Variants in CD160 observed in about 807,000 individuals in gnomAD.
The protein encoded by CD160 is CD160 antigen.
Under a neutral mutation model 19.2 loss-of-function variants are expected in CD160, and 11 were observed. The ratio of observed to expected loss-of-function variants is 0.57; its 90% CI spans 0.36 to 0.95. CD160 has a LOEUF of 0.95. Ranked by LOEUF, CD160 falls within the 40% of genes least tolerant of loss-of-function variation. The pLI, the probability that CD160 is intolerant of heterozygous loss-of-function variation, is 0.01. For missense variants in CD160, 182 were observed against 213.2 expected (o/e 0.85, Z 0.91); for synonymous variants, 75 against 81.1 (o/e 0.93, Z 0.40).
chr1:145,720,538 C>A (rs1400167719), intron 1 of CD160, among the ~76,000 whole-genome samples: 2 of 152,132 alleles, frequency 1.3e-5, no homozygotes, highest in Admixed American at 1.3e-4. Context: ...AAAAGAAGCC[C>A]CTTCACAGCT....
At chr1:145,732,754 C>G (rs1007164344) in intron 4 of CD160, among the ~76,000 whole-genome samples, 1 of 152,056 alleles carries the variant, frequency 6.6e-6, no homozygotes, top group Non-Finnish European at 1.5e-5. Context: ...AGAAACATAG[C>G]GCACAACTTG....
chr1:145,729,677 G>A (rs1330784670), intron 3 of CD160, among the ~76,000 whole-genome samples: 1 of 152,300 alleles, frequency 6.6e-6, no homozygotes, highest in East Asian at 1.9e-4. Flanking sequence ...CTCCACTTCT[G>A]TATCCAGGTT....
rs1657607413 is a variant in CD160, at chr1:145,738,966, T to C, written c.*473T>C. ...AAAGGAAGACAGCCAGATCCAGTGATTGACTTGGCATGAAAATGAGAAAAT... is the reference window on the plus strand; with the variant it reads ...AAAGGAAGACAGCCAGATCCAGTGACTGACTTGGCATGAAAATGAGAAAAT... On this transcript the variant is annotated 3_prime_UTR_variant, in exon 6 of 6. Coordinates refer to ENST00000369288, the MANE Select transcript of CD160 (RefSeq NM_007053.4). 1 of 154,374 alleles carries C rather than the reference T, an allele frequency of 6.5e-6. No homozygotes were observed. Among genetic ancestry groups the C allele is most frequent in the South Asian group, 2.0e-4 (1 of 4,954 alleles). The allele number at this position is 154,374 out of a possible 1,614,324, so 9.6% of individuals were successfully genotyped here. A position where few individuals can be genotyped will look rare whatever the true frequency, so the allele number is the denominator to read the frequency against.
intron 3 of CD160, among the ~76,000 whole-genome samples, chr1:145,729,526 G>A (rs1657202246): frequency 6.6e-6 from 1 of 152,198 alleles, no homozygotes; most frequent in South Asian, 2.1e-4. Context: ...TATAATAATG[G>A]ACTACAAAAT....
At chr1:145,728,498 ACT>A (rs1657146802) in intron 3 of CD160, 98 bp downstream of exon 3, 30 of 468,102 alleles carry the variant, frequency 6.4e-5, no homozygotes, top group South Asian at 1.3e-4. Context: ...GAAACAAAGG[ACT>A]CTTTTTTTTT....
intron 1 of CD160, among the ~76,000 whole-genome samples, chr1:145,721,810 C>T (rs1353014316): frequency 5.3e-5 from 8 of 152,208 alleles, no homozygotes; most frequent in Non-Finnish European, 1.0e-4. Context: ...GAAGGCCTAA[C>T]TTCATTGCCA....
intron 4 of CD160, among the ~76,000 whole-genome samples, chr1:145,732,724 A>G (rs1344641124): frequency 6.6e-6 from 1 of 152,214 alleles, no homozygotes; most frequent in Non-Finnish European, 1.5e-5. Context: ...CAGGCTCTAG[A>G]AAAAACTAAA....
chr1:145,720,702 G>A (rs945717169), intron 1 of CD160, among the ~76,000 whole-genome samples: 3 of 152,296 alleles, frequency 2.0e-5, no homozygotes, highest in Non-Finnish European at 4.4e-5. Flanking sequence ...TTGCCCTCTT[G>A]TCCCCACCCT....
intron 5 of CD160, 80 bp downstream of exon 5, chr1:145,736,214 G>T (rs782793201): frequency 1.2e-6 from 2 of 1,601,380 alleles, no homozygotes; most frequent in South Asian, 2.2e-5. Context: ...TCTCCAGGAG[G>T]AGAAGGTTGG....
rs1657129782 is a variant in CD160 at position 145,728,245 on chromosome 1, T to C, written c.-72-11T>C. The C allele has an allele frequency of 1.0e-6, 1 of 981,410 alleles. No homozygotes were observed. The highest frequency in any genetic ancestry group is 1.6e-6 in the Non-Finnish European group (1 of 621,000). The allele number at this position is 981,410 out of a possible 1,614,324, so 60.8% of individuals were successfully genotyped here. A position where few individuals can be genotyped will look rare whatever the true frequency, so the allele number is the denominator to read the frequency against. On this transcript the variant is annotated splice_polypyrimidine_tract_variant and intron_variant, in intron 2 of 5. Transcript: ENST00000369288. ...GAAGGCTTTGTCTAGTGGGTCCCCC[T>C]GTGCTTTTAGGAGACTGAAGCCAAG...
chr1:145,725,875 T>G (rs772176092), intron 2 of CD160, among the ~76,000 whole-genome samples: 1 of 152,128 alleles, frequency 6.6e-6, no homozygotes, highest in Admixed American at 6.5e-5. Context: ...GTAATTATCA[T>G]TATGTACACA....
Position 145,720,455 on chromosome 1 carries a change from G to C in CD160, c.-179+896G>C, listed in dbSNP as rs587730725. Among the ~76,000 whole-genome samples, 6 of 152,256 alleles carry C rather than the reference G, an allele frequency of 3.9e-5. No individual in the cohort carries two copies. The East Asian group carries it at 1.2e-3, about 29-fold the overall frequency. ...GAGATCTCAGACAAGAGCTTCAAGGGCCCCCCAGCCCAAACCTCTGTCTAC... is the reference window on the plus strand; with the variant it reads ...GAGATCTCAGACAAGAGCTTCAAGGCCCCCCCAGCCCAAACCTCTGTCTAC... On this transcript the variant is annotated intron_variant, in intron 1 of 5. Coordinates refer to ENST00000369288, the MANE Select transcript of CD160 (RefSeq NM_007053.4).
chr1:145,730,393 C>T (rs1438663013), intron 3 of CD160, among the ~76,000 whole-genome samples: 2 of 152,174 alleles, frequency 1.3e-5, no homozygotes, highest in Non-Finnish European at 2.9e-5. Context: ...GACAGTAGGG[C>T]TCACGTCCTA....
intron 2 of CD160, among the ~76,000 whole-genome samples, chr1:145,726,446 C>G (rs1657052902): frequency 6.6e-6 from 1 of 152,148 alleles, no homozygotes; most frequent in Non-Finnish European, 1.5e-5. Context: ...ATAGATGAAG[C>G]TGGAAACCAT....
intron 4 of CD160, among the ~76,000 whole-genome samples, chr1:145,735,541 T>A (rs1657448876): frequency 6.6e-6 from 1 of 152,084 alleles, no homozygotes; most frequent in South Asian, 2.1e-4. Flanking sequence ...CCCATGATCA[T>A]GCCACTGTAC....
chr1:145,720,661 C>A (rs1401564199), intron 1 of CD160, among the ~76,000 whole-genome samples: 1 of 152,210 alleles, frequency 6.6e-6, no homozygotes, highest in African/African-American at 2.4e-5. Context: ...TAGATCCGGG[C>A]TCCGGTGGCA....
At chr1:145,731,208 A>AT in intron 4 of CD160, 138 bp downstream of exon 4, 1 of 702,324 alleles carries the variant, frequency 1.4e-6, no homozygotes, top group East Asian at 2.5e-5. Flanking sequence ...CCATTGGCAG[A>AT]TGCTGCCTTT....
chr1:145,724,090 C>T (rs1656961794), intron 1 of CD160, among the ~76,000 whole-genome samples: 1 of 152,162 alleles, frequency 6.6e-6, no homozygotes, highest in African/African-American at 2.4e-5. Flanking sequence ...CATATTTCTT[C>T]TTACCCTTAC....
intron 3 of CD160, among the ~76,000 whole-genome samples, chr1:145,729,312 T>C (rs1015768898): frequency 5.3e-5 from 8 of 152,078 alleles, no homozygotes; most frequent in Admixed American, 4.6e-4. Flanking sequence ...TAGTTTACTA[T>C]GTATACCAAG....
Sources: gnomAD v4.1 joint callset for allele counts (sites outside exome capture counted in the v4.1 genomes callset) on GRCh38, gnomAD v4.1.1 for gene constraint, MANE v1.5 for transcripts, NCBI Gene and HGNC (gene_info 2026-07-23, HGNC 2026-07-21) for gene names.